MEF2C: variants seen among roughly 807,000 people sequenced by gnomAD.
MEF2C encodes myocyte enhancer factor 2C.
MEF2C carries 6 observed loss-of-function variants against 50.5 expected under a neutral mutation model. The ratio of observed to expected loss-of-function variants is 0.12; its 90% CI spans 0.07 to 0.23. The LOEUF (loss-of-function observed/expected upper bound fraction) is 0.23, where lower values mean the gene tolerates loss of function less well. Among genes scored for constraint, MEF2C ranks in the 10% least tolerant of loss-of-function variants. The probability of loss-of-function intolerance (pLI) is 1.00; values close to 1 mark genes in which losing one functional copy is unlikely to be tolerated. For synonymous variants in MEF2C, 183 were observed against 228.0 expected (o/e 0.80, Z 1.78); for missense variants, 276 against 605.0 (o/e 0.46, Z 5.70).
chr5:88,881,602 A>T (rs1832847341), intron 1 of MEF2C, among the ~76,000 whole-genome samples: 1 of 152,200 alleles, frequency 6.6e-6, no homozygotes, highest in South Asian at 2.1e-4. Flanking sequence ...AACGGGGTTC[A>T]CAGGTGGTCA....
At chr5:88,731,529 T>C in intron 7 of MEF2C, 200 bp downstream of exon 7, 1 of 513,908 alleles carries the variant, frequency 1.9e-6, no homozygotes. Flanking sequence ...TATATATATA[T>C]ATTTTTTTTA....
chr5:88,786,871 C>T (rs1026605611), intron 3 of MEF2C, among the ~76,000 whole-genome samples: 3 of 152,208 alleles, frequency 2.0e-5, no homozygotes, highest in African/African-American at 7.2e-5. Flanking sequence ...TTCAGGTGCT[C>T]ACAGTTGTAA....
In MEF2C at chr5:88,819,262, T is replaced by C. The variant is rs1807095925; in HGVS notation, c.54+4473A>G. 3.8e-6 allele frequency: 3 copies of C among 790,802 alleles called. No individual in the cohort carries two copies. The South Asian group carries it at 1.7e-4, about 46-fold the overall frequency. The allele number at this position is 790,802 out of a possible 1,614,324, so 49.0% of individuals were successfully genotyped here. ...TTATTATATTACACTAGATGCATCATGACATAATTTTAAAAAGCATAATTT... is the reference window on the plus strand; with the variant it reads ...TTATTATATTACACTAGATGCATCACGACATAATTTTAAAAAGCATAATTT... On this transcript the variant is annotated intron_variant, in intron 2 of 10. Coordinates refer to ENST00000504921, the MANE Select transcript of MEF2C (RefSeq NM_002397.5).
At chr5:88,770,976 T>C (rs1325327437) in intron 3 of MEF2C, among the ~76,000 whole-genome samples, 1 of 152,252 alleles carries the variant, frequency 6.6e-6, no homozygotes, top group Non-Finnish European at 1.5e-5. Flanking sequence ...CAGTTTCACA[T>C]GGCTGGGGAG....
At chr5:88,767,162 G>A (rs1580352442) in intron 3 of MEF2C, among the ~76,000 whole-genome samples, 1 of 152,018 alleles carries the variant, frequency 6.6e-6, no homozygotes, top group East Asian at 1.9e-4. Context: ...AAATTTATTC[G>A]GCAAACAATT....
intron 6 of MEF2C, among the ~76,000 whole-genome samples, chr5:88,732,772 C>T (rs1407140865): frequency 6.6e-6 from 1 of 152,220 alleles, no homozygotes; most frequent in African/African-American, 2.4e-5. Context: ...ACAGTGGACT[C>T]AGAAAGACAT....
intron 1 of MEF2C, among the ~76,000 whole-genome samples, chr5:88,845,041 T>C (rs1373103114): frequency 6.6e-6 from 1 of 152,214 alleles, no homozygotes; most frequent in Non-Finnish European, 1.5e-5. Flanking sequence ...AAATTACCCA[T>C]TGATTGTAAG....
chr5:88,838,498 C>A (rs1416238115), intron 1 of MEF2C: 45 of 910,552 alleles, frequency 4.9e-5, no homozygotes, highest in Non-Finnish European at 5.9e-5. Flanking sequence ...AAAGAATTGT[C>A]TTCCTGATAA....
chr5:88,755,218 A>G (rs1287004094), intron 4 of MEF2C, among the ~76,000 whole-genome samples: 1 of 152,210 alleles, frequency 6.6e-6, no homozygotes, highest in Non-Finnish European at 1.5e-5. Context: ...CTGACACAAA[A>G]GTAAAGCTTC....
chr5:88,876,506 C>T (rs980116906), intron 1 of MEF2C, among the ~76,000 whole-genome samples: 2 of 151,756 alleles, frequency 1.3e-5, no homozygotes, highest in African/African-American at 4.8e-5. Context: ...TATTCAGGGT[C>T]GACAATTAAT....
chr5:88,834,389 A>T (rs1381632753), intron 1 of MEF2C, among the ~76,000 whole-genome samples: 4 of 152,178 alleles, frequency 2.6e-5, no homozygotes, highest in Non-Finnish European at 4.4e-5. Flanking sequence ...AATATCACAG[A>T]TATCAATGAC....
At chr5:88,734,692 A>G (rs868561466) in intron 6 of MEF2C, 53 of 982,090 alleles carry the variant, frequency 5.4e-5, no homozygotes, top group East Asian at 3.5e-4. Flanking sequence ...GCAGTAGGGG[A>G]AAAAAAAGTA....
Position 88,900,116 on chromosome 5 carries a change from A to G in MEF2C, c.-240+3800T>C, listed in dbSNP as rs1272829787. The stretch of plus-strand genomic sequence containing the variant: ...TCAGAATGTGGTAGATTTCAACTAA[A>G]CAGTTTCTTTTCTGGAGATCCAGAA... On this transcript the variant is annotated intron_variant, in intron 1 of 11. Coordinates refer to the MEF2C transcript ENST00000340208. Among the ~76,000 whole-genome samples, 3 of 152,034 alleles carry G rather than the reference A, an allele frequency of 2.0e-5. No homozygotes were observed. The East Asian group carries it at 5.8e-4, about 29-fold the overall frequency.
At chr5:88,741,070 CT>C in intron 6 of MEF2C, 2 of 985,404 alleles carry the variant, frequency 2.0e-6, no homozygotes, top group Non-Finnish European at 1.2e-6. Context: ...CTGTACTGTA[CT>C]GCTCTCACAT....
intron 3 of MEF2C, among the ~76,000 whole-genome samples, chr5:88,778,875 T>C (rs2152844550): frequency 6.6e-6 from 1 of 152,330 alleles, no homozygotes; most frequent in East Asian, 1.9e-4. Context: ...CCAGAAAATC[T>C]GCACTGTTGG....
At chr5:88,848,918 C>T (rs578217429) in intron 1 of MEF2C, among the ~76,000 whole-genome samples, 114 of 152,014 alleles carry the variant, frequency 7.5e-4, no homozygotes, top group African/African-American at 2.6e-3. Flanking sequence ...TTTGGGATGC[C>T]GAGGCAGGTG....
At chr5:88,758,836 C>T (rs1776535284) in intron 4 of MEF2C, among the ~76,000 whole-genome samples, 2 of 152,170 alleles carry the variant, frequency 1.3e-5, no homozygotes, top group South Asian at 2.1e-4. Flanking sequence ...CACCACTGCA[C>T]CCCTTAAGAA....
intron 6 of MEF2C, chr5:88,738,681 T>C: frequency 5.1e-6 from 5 of 985,324 alleles, no homozygotes; most frequent in Non-Finnish European, 4.8e-6. Flanking sequence ...ATTATGGGGA[T>C]ACAAATGAAG....
chr5:88,846,229 G>C (rs973898956), intron 1 of MEF2C, among the ~76,000 whole-genome samples: 3 of 151,946 alleles, frequency 2.0e-5, no homozygotes, highest in Non-Finnish European at 4.4e-5. Context: ...CACCACGCCA[G>C]GCTAATTTTT....
Sources: gnomAD v4.1 joint callset for allele counts (sites outside exome capture counted in the v4.1 genomes callset) on GRCh38, gnomAD v4.1.1 for gene constraint, MANE v1.5 for transcripts, NCBI Gene and HGNC (gene_info 2026-07-23, HGNC 2026-07-21) for gene names.